B9D1: variants seen among roughly 807,000 people sequenced by gnomAD.
B9D1 encodes B9 domain-containing protein 1.
B9D1 carries 20 observed loss-of-function variants against 26.1 expected under a neutral mutation model. The observed-to-expected ratio is 0.77, with a 90% CI of 0.54 to 1.12. B9D1 has a LOEUF of 1.12. Among genes scored for constraint, B9D1 ranks in the 50% most tolerant of loss-of-function variants. The probability of loss-of-function intolerance (pLI) is 0.00; values close to 1 mark genes in which losing one functional copy is unlikely to be tolerated. For synonymous variants in B9D1, 105 were observed against 103.1 expected (o/e 1.02, Z -0.11); for missense variants, 260 against 273.7 (o/e 0.95, Z 0.35).
intron 3 of B9D1, among the ~76,000 whole-genome samples, chr17:19,356,330 G>A (rs575564198): frequency 1.3e-5 from 2 of 152,232 alleles, no homozygotes; most frequent in Non-Finnish European, 1.5e-5. Context: ...GAGCTCAGGC[G>A]ATCTGCCTGC....
At chr17:19,366,439 C>A (rs1406533905), upstream of B9D1, among the ~76,000 whole-genome samples, 3 of 152,204 alleles carry the variant, frequency 2.0e-5, no homozygotes, top group South Asian at 2.1e-4. Flanking sequence ...CCAACAGTAA[C>A]AATAATAATC....
intron 3 of B9D1, among the ~76,000 whole-genome samples, chr17:19,352,709 C>T (rs1360201581): frequency 6.6e-6 from 1 of 152,002 alleles, no homozygotes; most frequent in Non-Finnish European, 1.5e-5. Context: ...TTAGTAGAGA[C>T]AGGGTTTCTC....
chr17:19,355,503 G>C (rs1159093495), intron 3 of B9D1, among the ~76,000 whole-genome samples: 1 of 144,612 alleles, frequency 6.9e-6, no homozygotes, highest in Non-Finnish European at 1.5e-5. Context: ...TACTCAGAAA[G>C]ACAGAGCAAG....
At chr17:19,366,374 A>ATC (rs1911592883), upstream of B9D1, among the ~76,000 whole-genome samples, 1 of 151,934 alleles carries the variant, frequency 6.6e-6, no homozygotes, top group African/African-American at 2.4e-5. Flanking sequence ...GGGACTTCTT[A>ATC]GAGTCCTGCT....
chr17:19,346,284 C>A (rs141792372), intron 5 of B9D1, among the ~76,000 whole-genome samples: 17 of 152,352 alleles, frequency 1.1e-4, no homozygotes, highest in African/African-American at 3.6e-4. Flanking sequence ...AATTCTCAGG[C>A]TGAGGCCAGC....
At chr17:19,358,174 G>A (rs372320274) in intron 2 of B9D1, among the ~76,000 whole-genome samples, 197 of 152,176 alleles carry the variant, frequency 1.3e-3, no homozygotes, top group Non-Finnish European at 2.2e-3. Context: ...CCACTCTCCC[G>A]GGCACAAGGG....
intron 5 of B9D1, among the ~76,000 whole-genome samples, chr17:19,345,723 A>G (rs1218517382): frequency 1.3e-5 from 2 of 152,218 alleles, no homozygotes; most frequent in Non-Finnish European, 2.9e-5. Context: ...GTTTTCAGCT[A>G]TCACATTTGT....
At position 19,352,551 on chromosome 17, in the gene B9D1, C is replaced by T. The variant is rs1454675081; in HGVS notation, c.245-4671G>A. ...TTTTTTTTTTTTTGAGACGGAGTTTCGCTCTTGTTGCCCAGGCTGGAGTGC... is the reference window on the plus strand; with the variant it reads ...TTTTTTTTTTTTTGAGACGGAGTTTTGCTCTTGTTGCCCAGGCTGGAGTGC... On this transcript the variant is annotated intron_variant, in intron 3 of 6. Transcript: ENST00000261499. Among the ~76,000 whole-genome samples, 42 of 109,830 alleles carry T rather than the reference C, an allele frequency of 3.8e-4. No homozygotes were observed. The East Asian group carries it at 6.9e-3, about 18-fold the overall frequency. The allele number at this position is 109,830 out of a possible 152,430, so 72.1% of individuals were successfully genotyped here.
At chr17:19,366,231 G>A (rs1290956190), upstream of B9D1, among the ~76,000 whole-genome samples, 4 of 151,900 alleles carry the variant, frequency 2.6e-5, no homozygotes, top group South Asian at 2.1e-4. Context: ...CCTGGTCATC[G>A]GGGTCCACCC....
downstream of B9D1, among the ~76,000 whole-genome samples, chr17:19,339,039 A>G (rs957126978): frequency 6.6e-6 from 1 of 152,282 alleles, no homozygotes; most frequent in South Asian, 2.1e-4. Flanking sequence ...GGTAGCTACC[A>G]TGAGGCCATC....
At chr17:19,356,282 G>A (rs1910344078) in intron 3 of B9D1, among the ~76,000 whole-genome samples, 1 of 152,058 alleles carries the variant, frequency 6.6e-6, no homozygotes, top group Non-Finnish European at 1.5e-5. Context: ...AGTAGAGAGA[G>A]ATTTTTGCCA....
rs1911946674 is a variant in B9D1 at position 19,372,570 on chromosome 17, G to A, written c.-298+5289C>T. ...CCAGGGCCCCTTCCCGACTTCCTGT[G>A]CTGGGCAAAGGGCCCATTCTTAGCT... On this transcript the variant is annotated intron_variant, in intron 1 of 5. Transcript: ENST00000477478. This position sits in a 1 kb window ranked among gnomAD's most constrained non-coding sequence, Gnocchi z 4.4. 6.6e-6 allele frequency among the ~76,000 whole-genome samples: 1 copy of A among 152,016 alleles called. No individual in the cohort carries two copies. Among genetic ancestry groups the A allele is most frequent in the African/African-American group, 2.4e-5 (1 of 41,372 alleles).
chr17:19,362,566 C>T lies in B9D1; in HGVS notation c.4G>A (p.Ala2Thr), dbSNP rs1355899264. 1.3e-6 allele frequency: 2 copies of T among 1,589,112 alleles called. No homozygotes were observed. Among genetic ancestry groups the T allele is most frequent in the Non-Finnish European group, 1.7e-6 (2 of 1,167,774 alleles). ...AGAAAGACGCTAGGACTCGCGGTCG[C>T]CATGGCAGGTCTGGGGGTGCCGGGG... M[A>T]TASPSVFLLM... Residue 2 changes from alanine to threonine, a missense_variant, in exon 1 of 7, where the codon GCG becomes ACG. Transcript: ENST00000261499.
intron 1 of B9D1, among the ~76,000 whole-genome samples, chr17:19,375,816 T>C (rs114498667): frequency 2.9e-4 from 44 of 152,320 alleles, no homozygotes; most frequent in African/African-American, 1.1e-3. Context: ...ATTTGTAAAA[T>C]GGTGCAACTG....
downstream of B9D1, chr17:19,335,114 C>T (rs960154391): frequency 4.2e-6 from 1 of 237,466 alleles, no homozygotes; most frequent in Non-Finnish European, 8.0e-6. Context: ...AAAACTAAAG[C>T]AAATTCTTTA....
rs147715717 is a variant in B9D1 at position 19,370,100 on chromosome 17, T to C, written c.-298+7759A>G. Among the ~76,000 whole-genome samples, 2 of 152,314 alleles carry C rather than the reference T, an allele frequency of 1.3e-5. No homozygotes were observed. The highest frequency in any genetic ancestry group is 3.9e-4 in the East Asian group (2 of 5,176). On this transcript the variant is annotated intron_variant, in intron 1 of 5. Coordinates refer to the B9D1 transcript ENST00000477478. The surrounding 1 kb of genome is among the most constrained non-coding windows in gnomAD (Gnocchi z 5.1). ...TCACCACACCCTGGACTCAGAGAAC[T>C]TGGGTACTTCACCGACGGCCACCTC...
chr17:19,350,881 C>G (rs967291388), intron 3 of B9D1, among the ~76,000 whole-genome samples: 12 of 149,866 alleles, frequency 8.0e-5, no homozygotes, highest in Non-Finnish European at 1.5e-4. Context: ...CTCTGTCACT[C>G]AGGCTGGAGT....
chr17:19,339,005 C>A (rs1598036954), downstream of B9D1, among the ~76,000 whole-genome samples: 1 of 152,194 alleles, frequency 6.6e-6, no homozygotes, highest in African/African-American at 2.4e-5. Context: ...TGCTGCCTTA[C>A]CTCCATGCTT....
chr17:19,369,581 T>G (rs1598101644), intron 1 of B9D1, among the ~76,000 whole-genome samples: 1 of 151,534 alleles, frequency 6.6e-6, no homozygotes, highest in East Asian at 1.9e-4. Flanking sequence ...GTGAGTTGGG[T>G]TTTTACAGGG....
Sources: gnomAD v4.1 joint callset for allele counts (sites outside exome capture counted in the v4.1 genomes callset) on GRCh38, gnomAD v4.1.1 for gene constraint, Gnocchi (gnomAD v3.1) non-coding constraint, MANE v1.5 for transcripts, NCBI Gene and HGNC (gene_info 2026-07-23, HGNC 2026-07-21) for gene names.